R3HCC1L: variants seen among roughly 807,000 people sequenced by gnomAD.
R3HCC1L encodes the protein R3H domain and coiled-coil containing 1 like.
A neutral mutation model predicts 59.9 loss-of-function variants in R3HCC1L; 51 were observed. The ratio of observed to expected loss-of-function variants is 0.85; its 90% CI spans 0.68 to 1.07. The LOEUF is 1.07. Among genes scored for constraint, R3HCC1L ranks in the 50% least tolerant of loss-of-function variants. The pLI is 0.00. For synonymous variants in R3HCC1L, 322 were observed against 315.2 expected (o/e 1.02, Z -0.23); for missense variants, 965 against 933.0 (o/e 1.03, Z -0.45).
intron 9 of R3HCC1L, among the ~76,000 whole-genome samples, 188 bp downstream of exon 9, chr10:98,236,352 C>T (rs562779939): frequency 9.2e-5 from 14 of 152,262 alleles, no homozygotes; most frequent in South Asian, 4.1e-4. Flanking sequence ...GCCTGTTTCA[C>T]GCACCAAGAC....
At chr10:98,164,697 T>C (rs1379650711) in intron 4 of R3HCC1L, among the ~76,000 whole-genome samples, 3 of 152,190 alleles carry the variant, frequency 2.0e-5, no homozygotes, top group African/African-American at 7.2e-5. Context: ...GATGCAGTGC[T>C]GACAATCTGT....
chr10:98,211,771 G>A (rs924768367), intron 5 of R3HCC1L, among the ~76,000 whole-genome samples: 3 of 152,126 alleles, frequency 2.0e-5, no homozygotes, highest in African/African-American at 7.2e-5. Flanking sequence ...CAAAACATCA[G>A]GGGCTGGAAC....
intron 1 of R3HCC1L, among the ~76,000 whole-genome samples, chr10:98,153,593 C>G (rs746887980): frequency 6.9e-6 from 1 of 145,642 alleles, no homozygotes; most frequent in African/African-American, 2.6e-5. Context: ...GCGAGAAACA[C>G]CCAAGAATGA....
chr10:98,154,454 G>A (rs1049479027), intron 1 of R3HCC1L, among the ~76,000 whole-genome samples: 2 of 152,168 alleles, frequency 1.3e-5, no homozygotes, highest in East Asian at 1.9e-4. Context: ...ACTGCAACCT[G>A]TCACATGAGA....
chr10:98,154,669 G>A (rs1041671291), intron 1 of R3HCC1L, among the ~76,000 whole-genome samples: 8 of 152,258 alleles, frequency 5.3e-5, no homozygotes, highest in East Asian at 3.9e-4. Context: ...GTGCCTGGCC[G>A]TTCAAATAAA....
chr10:98,234,575 T>C, intron 7 of R3HCC1L, 59 bp downstream of exon 7: 1 of 1,515,944 alleles, frequency 6.6e-7, no homozygotes, highest in Non-Finnish European at 9.1e-7. Context: ...CATGCTACTT[T>C]TTCTATTTCC....
intron 5 of R3HCC1L, among the ~76,000 whole-genome samples, chr10:98,217,177 C>G (rs189878230): frequency 6.6e-6 from 1 of 152,088 alleles, no homozygotes; most frequent in Non-Finnish European, 1.5e-5. Flanking sequence ...GTCATTAATT[C>G]ATTTTGAGTT....
intron 5 of R3HCC1L, among the ~76,000 whole-genome samples, chr10:98,223,548 A>G (rs1164886528): frequency 6.6e-6 from 1 of 151,760 alleles, no homozygotes; most frequent in African/African-American, 2.4e-5. Context: ...TTTTTCCTAT[A>G]GATATATCTA....
chr10:98,243,262 G>GT, intron 9 of R3HCC1L, among the ~76,000 whole-genome samples: 1 of 152,212 alleles, frequency 6.6e-6, no homozygotes, highest in South Asian at 2.1e-4. Flanking sequence ...ATTTGGAACA[G>GT]TAAGAAGGAA....
intron 1 of R3HCC1L, among the ~76,000 whole-genome samples, chr10:98,148,264 T>G (rs765879762): frequency 6.6e-6 from 1 of 152,114 alleles, no homozygotes; most frequent in Non-Finnish European, 1.5e-5. Context: ...TTTACTGAAT[T>G]TATCAGTTCT....
chr10:98,210,632 T>G (rs916683925), intron 5 of R3HCC1L, among the ~76,000 whole-genome samples: 1 of 152,210 alleles, frequency 6.6e-6, no homozygotes, highest in Non-Finnish European at 1.5e-5. Context: ...TGGGTTCACA[T>G]AACTTTGCCT....
intron 1 of R3HCC1L, among the ~76,000 whole-genome samples, chr10:98,155,120 C>CA (rs1250711893): frequency 6.6e-6 from 1 of 152,108 alleles, no homozygotes; most frequent in Admixed American, 6.5e-5. Flanking sequence ...AAATACTCTC[C>CA]AATTTGGTTG....
At chr10:98,146,266 A>T (rs535934815) in intron 1 of R3HCC1L, among the ~76,000 whole-genome samples, 1 of 152,310 alleles carries the variant, frequency 6.6e-6, no homozygotes, top group African/African-American at 2.4e-5. Context: ...TAATAAATTT[A>T]TATAATTTGT....
intron 1 of R3HCC1L, 74 bp from the exon 2 acceptor site, chr10:98,156,019 C>T (rs1257053755): frequency 6.6e-6 from 1 of 151,780 alleles, no homozygotes; most frequent in Non-Finnish European, 1.5e-5. Flanking sequence ...TGCAGTTTTC[C>T]ACAAGGTCAA....
chr10:98,219,204 G>A (rs950411824), intron 5 of R3HCC1L, among the ~76,000 whole-genome samples: 5 of 152,174 alleles, frequency 3.3e-5, no homozygotes, highest in African/African-American at 1.2e-4. Flanking sequence ...GAGCCACCAT[G>A]CCCAGCCAGG....
intron 4 of R3HCC1L, among the ~76,000 whole-genome samples, chr10:98,184,928 C>A (rs895684885): frequency 1.3e-5 from 2 of 152,158 alleles, no homozygotes; most frequent in African/African-American, 4.8e-5. Context: ...CATGTCCCAT[C>A]TCTCCCTTTA....
intron 5 of R3HCC1L, among the ~76,000 whole-genome samples, chr10:98,225,435 G>A (rs75593517): frequency 1.3e-5 from 2 of 152,212 alleles, no homozygotes; most frequent in East Asian, 3.9e-4. Context: ...GAGATTCTTA[G>A]GAAAGAAAGT....
At chr10:98,162,634 G>T (rs1447720467) in intron 2 of R3HCC1L, among the ~76,000 whole-genome samples, 1 of 151,998 alleles carries the variant, frequency 6.6e-6, no homozygotes, top group African/African-American at 2.4e-5. Context: ...AAACTGTAGT[G>T]ATGACTAGAA....
intron 4 of R3HCC1L, among the ~76,000 whole-genome samples, chr10:98,182,505 TGAG>T (rs963511354): frequency 1.1e-4 from 16 of 152,254 alleles, no homozygotes; most frequent in Admixed American, 5.2e-4. Flanking sequence ...GGGACCCACT[TGAG>T]GAGGCAGTCT....
Sources: gnomAD v4.1 joint callset for allele counts (sites outside exome capture counted in the v4.1 genomes callset) on GRCh38, gnomAD v4.1.1 for gene constraint, MANE v1.5 for transcripts, NCBI Gene and HGNC (gene_info 2026-07-23, HGNC 2026-07-21) for gene names.